The following KIF5C variants were observed in gnomAD, a reference collection of about 807,000 sequenced individuals.
The protein encoded by KIF5C is kinesin family member 5C.
KIF5C carries 18 observed loss-of-function variants against 125.2 expected under a neutral mutation model. The ratio of observed to expected loss-of-function variants is 0.14; its 90% confidence interval spans 0.10 to 0.21. The LOEUF (loss-of-function observed/expected upper bound fraction) is 0.21, where lower values mean the gene tolerates loss of function less well. Ranked by LOEUF, KIF5C falls within the 10% of genes least tolerant of loss-of-function variation. The pLI is 1.00. For synonymous variants in KIF5C, 405 were observed against 434.0 expected, an observed-to-expected ratio of 0.93 and a Z score of 0.83; for missense variants, 780 against 1,183.8, an observed-to-expected ratio of 0.66 and a Z score of 5.01.
At chr2:148,994,321 C>T in intron 16 of KIF5C, 100 bp from the exon 17 acceptor site, 2 of 1,469,980 alleles carry the variant, frequency 1.4e-6, no homozygotes, top group Middle Eastern at 2.0e-4. Context: ...AAAAGGGACT[C>T]AGGAACCCCT....
intron 9 of KIF5C, 61 bp downstream of exon 9, chr2:148,950,004 A>C: frequency 1.9e-6 from 3 of 1,552,404 alleles, no homozygotes; most frequent in Non-Finnish European, 2.6e-6. Flanking sequence ...TTGGGGCCTC[A>C]TAGTCCCTTT....
At chr2:148,881,344 ACTAC>A (rs1681345271) in intron 1 of KIF5C, among the ~76,000 whole-genome samples, 2 of 151,982 alleles carry the variant, frequency 1.3e-5, no homozygotes, top group Non-Finnish European at 2.9e-5. Context: ...TTAGCTCTAG[ACTAC>A]GTTAGCTGTT....
At position 148,934,011 on chromosome 2, in the gene KIF5C, T is replaced by G. The variant is rs1000734920; in HGVS notation, c.292-3273T>G. Among the ~76,000 whole-genome samples the G allele has an allele frequency of 1.9e-3, 281 of 146,856 alleles. 2 individuals carry two copies. The highest frequency in any genetic ancestry group is 7.0e-3 in the African/African-American group (277 of 39,434). On this transcript the variant is annotated intron_variant, in intron 3 of 25. Transcript: ENST00000435030. ...CACCCTTCCACATACATCAGACACA[T>G]ACAGACATATACATACCACAGACAT...
intron 11 of KIF5C, among the ~76,000 whole-genome samples, chr2:148,968,121 A>T (rs1485377928): frequency 6.6e-6 from 1 of 152,222 alleles, no homozygotes; most frequent in Non-Finnish European, 1.5e-5. Flanking sequence ...GTGTCAGAAC[A>T]AGGAAATGAC....
At chr2:148,969,518 A>G (rs1485710824) in intron 11 of KIF5C, among the ~76,000 whole-genome samples, 2 of 151,378 alleles carry the variant, frequency 1.3e-5, no homozygotes, top group East Asian at 3.9e-4. Flanking sequence ...CTTTTCCTAT[A>G]GACAGCAGGT....
chr2:148,918,404 G>C (rs1681646422), intron 1 of KIF5C, among the ~76,000 whole-genome samples: 1 of 152,168 alleles, frequency 6.6e-6, no homozygotes, highest in South Asian at 2.1e-4. Context: ...AATTGTAGTG[G>C]TTAATTAGAT....
Position 148,875,692 on chromosome 2 carries a change from C to T in KIF5C, c.75C>T (p.Arg25=). 1 of 1,594,384 alleles carries T rather than the reference C, an allele frequency of 6.3e-7. No homozygotes were observed. Among genetic ancestry groups the T allele is most frequent in the Non-Finnish European group, 8.5e-7 (1 of 1,170,808 alleles). ...CCCTCAACGAAGCGGAGATCCTCCGCGGGGACAAATTCATCCCCAAATTTA... is the reference window on the plus strand; with the variant it reads ...CCCTCAACGAAGCGGAGATCCTCCGTGGGGACAAATTCATCCCCAAATTTA... ...FRPLNEAEIL[R]GDKFIPKFKG... is the part of the protein sequence containing the mutation. The change falls in exon 1 of 26, where the codon CGC becomes CGT. Residue 25 remains arginine, a synonymous_variant. Transcript: ENST00000435030.
At chr2:148,981,730 C>T (rs1169492357) in intron 14 of KIF5C, among the ~76,000 whole-genome samples, 169 bp downstream of exon 14, 1 of 152,172 alleles carries the variant, frequency 6.6e-6, no homozygotes, top group African/African-American at 2.4e-5. Context: ...GTGCAAGTGA[C>T]TTTTGTTCAC....
chr2:148,961,943 A>G lies in KIF5C; in HGVS notation c.969-28A>G, dbSNP rs749199896. On this transcript the variant is annotated intron_variant, in intron 10 of 25. Transcript: ENST00000435030. Reference sequence around the variant, plus strand: ...TTTAGCTAATGGTAATAATTAGCTGAATTGTCCCCTTATGTTTTTAATCCC... The same window carrying G: ...TTTAGCTAATGGTAATAATTAGCTGGATTGTCCCCTTATGTTTTTAATCCC... The G allele has an allele frequency of 2.5e-6, 4 of 1,600,842 alleles. No individual in the cohort carries two copies. The Admixed American group carries it at 7.0e-5, about 28-fold the overall frequency.
At chr2:148,997,471 G>A in intron 18 of KIF5C, 131 bp downstream of exon 18, 3 of 1,497,940 alleles carry the variant, frequency 2.0e-6, no homozygotes, top group Non-Finnish European at 2.7e-6. Context: ...GCTGTTGTTG[G>A]GCATTCAGAG....
chr2:149,009,811 A>G (rs974719524), intron 23 of KIF5C, among the ~76,000 whole-genome samples: 1 of 151,976 alleles, frequency 6.6e-6, no homozygotes, highest in Non-Finnish European at 1.5e-5. Context: ...TATGTGGTCG[A>G]TTTTCTCACA....
At chr2:148,939,337 G>A (rs1016628951) in intron 4 of KIF5C, among the ~76,000 whole-genome samples, 56 of 152,120 alleles carry the variant, frequency 3.7e-4, no homozygotes, top group Non-Finnish European at 1.2e-4. Flanking sequence ...CCTTTTGTTG[G>A]CTAAAGCCTG....
Position 149,007,425 on chromosome 2 carries a change from G to A in KIF5C, c.2446-538G>A, listed in dbSNP as rs141584700. The stretch of plus-strand genomic sequence containing the variant: ...AATTTCAAGAATTTACCCAGCACCC[G>A]GATGCTATGATTAATTTGAGCCTGG... On this transcript the variant is annotated intron_variant, in intron 22 of 25. Coordinates refer to ENST00000435030, the MANE Select transcript of KIF5C (RefSeq NM_004522.3). Among the ~76,000 whole-genome samples the A allele has an allele frequency of 4.0e-3, 605 of 152,146 alleles. 1 individual carries two copies. The highest frequency in any genetic ancestry group is 0.013 in the African/African-American group (547 of 41,514).
intron 1 of KIF5C, among the ~76,000 whole-genome samples, chr2:148,913,097 T>C (rs1276994727): frequency 6.6e-6 from 1 of 152,240 alleles, no homozygotes; most frequent in Non-Finnish European, 1.5e-5. Context: ...TTCCTTGTAA[T>C]TTATGGGAGT....
chr2:148,913,911 T>G (rs927987685), intron 1 of KIF5C, among the ~76,000 whole-genome samples: 3 of 152,192 alleles, frequency 2.0e-5, no homozygotes, highest in African/African-American at 7.2e-5. Context: ...AAACTTGATC[T>G]GCTGAAATAA....
chr2:148,985,193 T>G (rs913341018), intron 15 of KIF5C, among the ~76,000 whole-genome samples: 1 of 152,090 alleles, frequency 6.6e-6, no homozygotes, highest in Non-Finnish European at 1.5e-5. Context: ...AAGGAAGAGA[T>G]AGAGTTAAAA....
rs1289577785 is a variant in KIF5C at position 149,024,371 on chromosome 2, C to T, written c.*1301C>T. On this transcript the variant is annotated 3_prime_UTR_variant, in exon 26 of 26. Coordinates refer to ENST00000435030, the MANE Select transcript of KIF5C (RefSeq NM_004522.3). Reference sequence around the variant, plus strand: ...AAGTCAATGACAACCAAACCAATCTCGGTGGAAACTCCTATCCTATCATGT... The same window carrying T: ...AAGTCAATGACAACCAAACCAATCTTGGTGGAAACTCCTATCCTATCATGT... 2 of 152,368 alleles carry T rather than the reference C, an allele frequency of 1.3e-5. No individual in the cohort carries two copies. Among genetic ancestry groups the T allele is most frequent in the African/African-American group, 2.4e-5 (1 of 41,360 alleles). 9.4% of individuals were successfully genotyped at this position (152,368 alleles called of 1,614,324 possible). A position where few individuals can be genotyped will look rare whatever the true frequency, so the allele number is the denominator to read the frequency against.
chr2:148,947,219 C>T lies in KIF5C; in HGVS notation c.714+196C>T, dbSNP rs186013548. The T allele has an allele frequency of 1.5e-4, 118 of 776,664 alleles. No homozygotes were observed. The African/African-American group carries it at 1.9e-3, about 13-fold the overall frequency. 48.1% of individuals were successfully genotyped at this position (776,664 alleles called of 1,614,324 possible). On this transcript the variant is annotated intron_variant, in intron 8 of 25. Transcript: ENST00000435030. ...TGGTCCTGAGGTCTCCTATTGGTGT[C>T]ACAGGCAGGTGCTTTGCATGCCAAC...
rs1456512213 is a variant in KIF5C at position 148,952,350 on chromosome 2, A to T, written c.968+1888A>T. Among the ~76,000 whole-genome samples the T allele has an allele frequency of 1.3e-5, 2 of 152,218 alleles. 1 individual carries two copies. Among genetic ancestry groups the T allele is most frequent in the South Asian group, 4.1e-4 (2 of 4,824 alleles). On this transcript the variant is annotated intron_variant, in intron 10 of 25. Transcript: ENST00000435030. ...CCGTGGGGCATTGGCTATCTTTGCA[A>T]GGCCCAGTCACCTTGGGGCATTGCT...
Sources: gnomAD v4.1 joint callset for allele counts (sites outside exome capture counted in the v4.1 genomes callset) on GRCh38, gnomAD v4.1.1 for gene constraint, MANE v1.5 for transcripts, NCBI Gene and HGNC (gene_info 2026-07-23, HGNC 2026-07-21) for gene names.